The following CHST8 variants were observed in gnomAD, a reference collection of about 807,000 sequenced individuals.
CHST8 encodes carbohydrate sulfotransferase 8, also known as GALNAC-4-ST1.
A neutral mutation model predicts 15.0 loss-of-function variants in CHST8; 10 were observed. The ratio of observed to expected loss-of-function variants is 0.67; its 90% CI spans 0.41 to 1.13. The LOEUF (loss-of-function observed/expected upper bound fraction) is 1.13. Ranked by LOEUF, CHST8 falls within the 50% of genes most tolerant of loss-of-function variation. The pLI, the probability that CHST8 is intolerant of heterozygous loss-of-function variation, is 0.00. For missense variants in CHST8, 634 were observed against 608.2 expected (o/e 1.04, Z -0.45); for synonymous variants, 259 against 256.6 (o/e 1.01, Z -0.09).
At chr19:33,715,002 T>A (rs1973639310) in intron 3 of CHST8, among the ~76,000 whole-genome samples, 1 of 152,210 alleles carries the variant, frequency 6.6e-6, no homozygotes, top group Non-Finnish European at 1.5e-5. Context: ...CCACAGGCTC[T>A]GTCCCAGCAC....
intron 3 of CHST8, among the ~76,000 whole-genome samples, chr19:33,694,096 A>T (rs1374662565): frequency 1.9e-5 from 1 of 52,584 alleles, no homozygotes; most frequent in Admixed American, 2.2e-4. Flanking sequence ...GTTTATTCAT[A>T]TATATATATA....
chr19:33,771,179 AAG>A (rs1974974899), intron 3 of CHST8, among the ~76,000 whole-genome samples: 1 of 152,130 alleles, frequency 6.6e-6, no homozygotes, highest in Non-Finnish European at 1.5e-5. Context: ...TGATGCAGAG[AAG>A]AGAGCCTCAG....
chr19:33,759,284 A>G (rs193274917), intron 3 of CHST8, among the ~76,000 whole-genome samples: 30 of 152,314 alleles, frequency 2.0e-4, no homozygotes, highest in African/African-American at 6.5e-4. Context: ...GTAACCCCAC[A>G]ATGGGAATTC....
chr19:33,633,893 C>T (rs990630073), intron 1 of CHST8, among the ~76,000 whole-genome samples: 27 of 150,784 alleles, frequency 1.8e-4, no homozygotes, highest in Non-Finnish European at 3.4e-4. Context: ...TGACCTCCCA[C>T]GTTCAGGTGG....
intron 3 of CHST8, among the ~76,000 whole-genome samples, chr19:33,720,465 C>T (rs1465095741): frequency 6.6e-6 from 1 of 152,040 alleles, no homozygotes; most frequent in Non-Finnish European, 1.5e-5. Flanking sequence ...ACTGCACACA[C>T]ATGCACCACA....
At chr19:33,735,352 C>T (rs1228610411) in intron 3 of CHST8, among the ~76,000 whole-genome samples, 5 of 152,154 alleles carry the variant, frequency 3.3e-5, no homozygotes, top group African/African-American at 4.8e-5. Flanking sequence ...ATGGGGAAGC[C>T]GTCAAATGCA....
chr19:33,714,529 AC>A (rs1282206870), intron 3 of CHST8, among the ~76,000 whole-genome samples: 1 of 151,868 alleles, frequency 6.6e-6, no homozygotes, highest in Non-Finnish European at 1.5e-5. Context: ...GGAGGAAAAA[AC>A]CTATTGGGTA....
At chr19:33,691,400 A>T (rs1973097351) in intron 3 of CHST8, among the ~76,000 whole-genome samples, 1 of 152,198 alleles carries the variant, frequency 6.6e-6, no homozygotes, top group Non-Finnish European at 1.5e-5. Flanking sequence ...GGTCTGGGTA[A>T]ATCACACCAA....
At chr19:33,639,217 G>GA (rs1415441221) in intron 1 of CHST8, among the ~76,000 whole-genome samples, 1 of 151,954 alleles carries the variant, frequency 6.6e-6, no homozygotes, top group Admixed American at 6.6e-5. Flanking sequence ...GTGGCATGTA[G>GA]AAAAGATTAA....
At position 33,646,524 on chromosome 19, in the gene CHST8, C is replaced by A. The variant is rs191153258; in HGVS notation, c.-163-21243C>A. ...TGGGGATGGTGTAAAATCTTTTGAC[C>A]TTGTGGCTAATTTGTTAGTTTCACA... On this transcript the variant is annotated intron_variant, in intron 1 of 4. Coordinates refer to ENST00000650847, the MANE Select transcript of CHST8 (RefSeq NM_001127895.2). 5.3e-3 allele frequency among the ~76,000 whole-genome samples: 807 copies of A among 152,278 alleles called. 11 individuals are homozygous for A. The highest frequency in any genetic ancestry group is 0.017 in the African/African-American group (707 of 41,536).
At chr19:33,677,772 C>T (rs754586372) in intron 2 of CHST8, among the ~76,000 whole-genome samples, 32 of 152,214 alleles carry the variant, frequency 2.1e-4, no homozygotes, top group African/African-American at 6.0e-4. Flanking sequence ...AGATAAAAGC[C>T]GTTAGTCTCT....
At chr19:33,765,217 C>A (rs1344108307) in intron 3 of CHST8, among the ~76,000 whole-genome samples, 4 of 151,656 alleles carry the variant, frequency 2.6e-5, no homozygotes, top group Non-Finnish European at 5.9e-5. Context: ...AGAGATTGAT[C>A]TTCTGTTGTT....
intron 4 of CHST8, 53 bp downstream of exon 4, chr19:33,771,503 G>A: frequency 1.9e-6 from 3 of 1,560,548 alleles, no homozygotes; most frequent in African/African-American, 2.7e-5. Context: ...TGGGAAACTG[G>A]GGAGGGCTGG....
At position 33,772,585 on chromosome 19, in the gene CHST8, C is replaced by T. The variant is rs745727758; in HGVS notation, c.797C>T (p.Ser266Phe). 2 of 1,613,960 alleles carry T rather than the reference C, an allele frequency of 1.2e-6. No homozygotes were observed. Among genetic ancestry groups the T allele is most frequent in the Non-Finnish European group, 8.5e-7 (1 of 1,180,040 alleles). Residue 266 changes from serine to phenylalanine, a missense_variant, in exon 5 of 5, where the codon TCC becomes TTC. Ser to Phe is a radical substitution (Grantham distance 155). Coordinates refer to ENST00000650847, the MANE Select transcript of CHST8 (RefSeq NM_001127895.2). Reference protein sequence around the residue: ...FVREPFERLVSAFRDKFEHPN... With the variant: ...FVREPFERLVFAFRDKFEHPN... Reference sequence around the variant, plus strand: ...CGCGAGCCCTTCGAGAGGCTGGTGTCCGCCTTCCGCGACAAGTTTGAGCAC... The same window carrying T: ...CGCGAGCCCTTCGAGAGGCTGGTGTTCGCCTTCCGCGACAAGTTTGAGCAC...
chr19:33,670,977 G>A (rs569954620), intron 2 of CHST8, among the ~76,000 whole-genome samples: 5 of 152,260 alleles, frequency 3.3e-5, no homozygotes, highest in East Asian at 3.9e-4. Flanking sequence ...AAGTGGAGGA[G>A]CCAGAGTCTG....
intron 3 of CHST8, among the ~76,000 whole-genome samples, chr19:33,694,190 A>G: frequency 1.5e-5 from 1 of 66,192 alleles, no homozygotes; most frequent in Admixed American, 1.3e-4. Context: ...ATATATATAT[A>G]TATATATATA....
intron 1 of CHST8, among the ~76,000 whole-genome samples, chr19:33,650,518 C>CTTTTTTTTTTTTTTTTTTTTTTTT (rs869057036): frequency 1.9e-4 from 7 of 36,112 alleles, no homozygotes; most frequent in East Asian, 9.5e-4. Flanking sequence ...TTTTTCTTTT[C>CTTTTTTTTTTTTTTTTTTTTTTTT]TTTTTTTTTT....
At chr19:33,686,425 A>T (rs1972981837) in intron 2 of CHST8, among the ~76,000 whole-genome samples, 1 of 152,096 alleles carries the variant, frequency 6.6e-6, no homozygotes, top group Non-Finnish European at 1.5e-5. Flanking sequence ...TTGACAGTGG[A>T]TGTCGGTACT....
At chr19:33,643,612 A>AG (rs1972312391) in intron 1 of CHST8, among the ~76,000 whole-genome samples, 1 of 152,158 alleles carries the variant, frequency 6.6e-6, no homozygotes, top group Non-Finnish European at 1.5e-5. Flanking sequence ...TGCCACCTTG[A>AG]CCATTTGCTT....
Sources: gnomAD v4.1 joint callset for allele counts (sites outside exome capture counted in the v4.1 genomes callset) on GRCh38, gnomAD v4.1.1 for gene constraint, MANE v1.5 for transcripts, NCBI Gene and HGNC (gene_info 2026-07-23, HGNC 2026-07-21) for gene names.